NFIB: variants seen among roughly 807,000 people sequenced by gnomAD.
NFIB encodes the protein nuclear factor I B.
NFIB carries 11 observed loss-of-function variants against 61.5 expected under a neutral mutation model. That is an observed-to-expected ratio of 0.18 (90% CI 0.11 to 0.30). NFIB has a LOEUF of 0.30. Ranked by LOEUF, NFIB falls within the 10% of genes least tolerant of loss-of-function variation. The pLI is 1.00. For missense variants in NFIB, 471 were observed against 608.9 expected (o/e 0.77, Z 2.38); for synonymous variants, 260 against 216.5 (o/e 1.20, Z -1.76).
chr9:14,160,668 A>G (rs1202738633), intron 3 of NFIB, among the ~76,000 whole-genome samples: 3 of 152,054 alleles, frequency 2.0e-5, no homozygotes, highest in Non-Finnish European at 2.9e-5. Context: ...TGACCTTCAC[A>G]AGCAGGCATT....
intron 2 of NFIB, among the ~76,000 whole-genome samples, chr9:14,280,113 T>C (rs1450035578): frequency 6.6e-6 from 1 of 152,178 alleles, no homozygotes; most frequent in Non-Finnish European, 1.5e-5. Context: ...ATATCTAGTT[T>C]AGTACAAAGT....
At chr9:14,505,079 T>C in the NFIB span, among the ~76,000 whole-genome samples, 1 of 152,230 alleles carries the variant, frequency 6.6e-6, no homozygotes, top group Non-Finnish European at 1.5e-5. Context: ...TCTGCATCTA[T>C]TGAGGTGATC....
chr9:14,177,487 T>C (rs904407087), intron 3 of NFIB, among the ~76,000 whole-genome samples: 6 of 152,098 alleles, frequency 3.9e-5, no homozygotes, highest in Admixed American at 2.0e-4. Flanking sequence ...CAAAATAGAA[T>C]TCCTTAATAA....
At chr9:14,321,865 C>T in intron 1 of NFIB, 1 of 1,230,258 alleles carries the variant, frequency 8.1e-7, no homozygotes, top group Non-Finnish European at 1.0e-6. Context: ...AAAAGAAAAA[C>T]TGTGCCAGGG....
chr9:14,460,272 A>C, the NFIB span, among the ~76,000 whole-genome samples: 283 of 152,232 alleles, frequency 1.9e-3, 1 homozygote, highest in African/African-American at 6.4e-3. Flanking sequence ...GCAAGGACAA[A>C]AAACCAAACA....
chr9:14,427,152 C>T, the NFIB span, among the ~76,000 whole-genome samples: 6 of 152,036 alleles, frequency 3.9e-5, no homozygotes, highest in Non-Finnish European at 8.8e-5. Flanking sequence ...TTGCAAGTGC[C>T]GATTGACTTA....
chr9:14,294,270 A>T (rs1273508701), intron 2 of NFIB, among the ~76,000 whole-genome samples: 1 of 152,238 alleles, frequency 6.6e-6, no homozygotes, highest in Non-Finnish European at 1.5e-5. Flanking sequence ...GATAACTATA[A>T]GTCATATCCT....
At chr9:14,146,237 G>A (rs1743925540) in intron 6 of NFIB, among the ~76,000 whole-genome samples, 1 of 152,008 alleles carries the variant, frequency 6.6e-6, no homozygotes, top group Admixed American at 6.6e-5. Context: ...TTTCTTTATT[G>A]TATATGGTCT....
chr9:14,308,531 C>G (rs968086829), intron 1 of NFIB, among the ~76,000 whole-genome samples: 12 of 152,182 alleles, frequency 7.9e-5, no homozygotes, highest in African/African-American at 2.9e-4. Flanking sequence ...AAAAATCAAT[C>G]TGAGGTGAAC....
the NFIB span, among the ~76,000 whole-genome samples, chr9:14,496,212 T>C: frequency 5.3e-5 from 8 of 152,378 alleles, no homozygotes; most frequent in Admixed American, 2.0e-4. Flanking sequence ...AATATTTGCA[T>C]GTCTATAGTG....
chr9:14,324,576 T>C (rs1370652756), intron 1 of NFIB, among the ~76,000 whole-genome samples: 1 of 152,110 alleles, frequency 6.6e-6, no homozygotes. Context: ...AGGAAATATT[T>C]TGAGACACAA....
the NFIB span, among the ~76,000 whole-genome samples, chr9:14,416,933 C>G: frequency 2.1e-5 from 3 of 146,052 alleles, no homozygotes; most frequent in South Asian, 4.2e-4. Context: ...TGCCCTGTTG[C>G]CCAGGCTGGA....
intron 3 of NFIB, among the ~76,000 whole-genome samples, chr9:14,159,046 T>A (rs1587142968): frequency 6.6e-6 from 1 of 152,222 alleles, no homozygotes; most frequent in Non-Finnish European, 1.5e-5. Context: ...CAGAGATCCA[T>A]CTGCTCCTAA....
chr9:14,284,278 T>C (rs937266673), intron 2 of NFIB, among the ~76,000 whole-genome samples: 1 of 152,192 alleles, frequency 6.6e-6, no homozygotes, highest in Non-Finnish European at 1.5e-5. Flanking sequence ...AATACTAACA[T>C]AATTATAAAA....
chr9:14,225,561 T>C (rs187396394), intron 2 of NFIB, among the ~76,000 whole-genome samples: 2 of 151,974 alleles, frequency 1.3e-5, no homozygotes, highest in African/African-American at 4.8e-5. Flanking sequence ...GGATTGTGCC[T>C]GGAATTTTTT....
intron 1 of NFIB, among the ~76,000 whole-genome samples, chr9:14,391,786 C>G (rs558217204): frequency 5.1e-4 from 78 of 152,290 alleles, no homozygotes; most frequent in African/African-American, 1.7e-3. Context: ...CAGGGCTGAA[C>G]AGGACACTGA....
chr9:14,231,400 G>A (rs868085190), intron 2 of NFIB, among the ~76,000 whole-genome samples: 30 of 151,924 alleles, frequency 2.0e-4, no homozygotes, highest in South Asian at 1.0e-3. Flanking sequence ...ACACTTCACT[G>A]TTCAAGGGTG....
chr9:14,199,511 G>C (rs948407085), intron 2 of NFIB, among the ~76,000 whole-genome samples: 9 of 152,194 alleles, frequency 5.9e-5, no homozygotes, highest in African/African-American at 1.9e-4. Flanking sequence ...TCACCCATTT[G>C]TGTTTCCTTA....
chr9:14,315,363 G>GCCGCCT (rs1411720171), upstream of NFIB, among the ~76,000 whole-genome samples: 1 of 150,766 alleles, frequency 6.6e-6, no homozygotes, highest in Non-Finnish European at 1.5e-5. Flanking sequence ...AGCCGCCGCC[G>GCCGCCT]CCGCCTCTTG....
Sources: gnomAD v4.1 joint callset for allele counts (sites outside exome capture counted in the v4.1 genomes callset) on GRCh38, gnomAD v4.1.1 for gene constraint, MANE v1.5 for transcripts, NCBI Gene and HGNC (gene_info 2026-07-23, HGNC 2026-07-21) for gene names.